Variants in MAGI2 observed in about 807,000 individuals in gnomAD.
MAGI2 encodes membrane associated guanylate kinase, WW and PDZ domain containing 2, also known as membrane-associated guanylate kinase, WW and PDZ domain-containing protein 2.
MAGI2 carries 35 observed loss-of-function variants against 133.3 expected under a neutral mutation model. That is an observed-to-expected ratio of 0.26 (90% CI 0.20 to 0.35). MAGI2 has a LOEUF of 0.35. Among genes scored for constraint, MAGI2 ranks in the 10% least tolerant of loss-of-function variants. MAGI2 has a pLI of 1.00. For synonymous variants in MAGI2, 729 were observed against 710.6 expected (o/e 1.03, Z -0.41); for missense variants, 1,636 against 1,863.4 (o/e 0.88, Z 2.25).
intron 6 of MAGI2, among the ~76,000 whole-genome samples, chr7:78,450,794 C>T (rs1269531477): frequency 6.6e-6 from 1 of 152,060 alleles, no homozygotes; most frequent in Admixed American, 6.6e-5. Flanking sequence ...CATCCCAACT[C>T]TTCATCTAGT....
chr7:79,083,098 C>T (rs1267225755), intron 1 of MAGI2, among the ~76,000 whole-genome samples: 1 of 151,278 alleles, frequency 6.6e-6, no homozygotes, highest in African/African-American at 2.4e-5. Flanking sequence ...TCAGGATTTT[C>T]AAGATAAAAG....
At chr7:79,168,314 C>T (rs1825147747) in intron 1 of MAGI2, among the ~76,000 whole-genome samples, 1 of 151,960 alleles carries the variant, frequency 6.6e-6, no homozygotes. Context: ...TGCGACCTTG[C>T]CATTTGCTGT....
intron 1 of MAGI2, among the ~76,000 whole-genome samples, chr7:79,233,269 T>C (rs199717577): frequency 0.21 from 13,495 of 64,898 alleles, no homozygotes; most frequent in East Asian, 0.32. Context: ...ATGTATATTC[T>C]GTTGATTTGG....
rs191113868 is a variant in MAGI2, at chr7:78,693,186, T to C, written c.419-65947A>G. ...AGGCAAAGTCTTTAATCTCCATCAA[T>C]CTCAGCTTCCTTGTCTGAAAAGGAT... On this transcript the variant is annotated intron_variant, in intron 2 of 21. Transcript: ENST00000354212. Among the ~76,000 whole-genome samples, 11 of 152,294 alleles carry C rather than the reference T, an allele frequency of 7.2e-5. No individual in the cohort carries two copies. The East Asian group carries it at 1.2e-3, about 16-fold the overall frequency.
rs1157395822 is a variant in MAGI2, at chr7:78,019,627, G to A, written c.4056C>T (p.Leu1352=). 4 of 1,004,224 alleles carry A rather than the reference G, an allele frequency of 4.0e-6. No homozygotes were observed. In the African/African-American group the frequency reaches 7.0e-5, roughly 18 times the overall value. The allele number at this position is 1,004,224 out of a possible 1,614,324, so 62.2% of individuals were successfully genotyped here. A position where few individuals can be genotyped will look rare whatever the true frequency, so the allele number is the denominator to read the frequency against. The part of the protein sequence containing the change: ...RPASEARAPG[L]AAADAADAAR... ...CCGCGTCCGCCGCGTCTGCCGCCGC[G>A]AGCCCGGGCGCCCTGGCCTCCGAGG... Residue 1352 remains leucine (L), a synonymous_variant, in exon 22 of 22, where the codon CTC becomes CTT. Transcript: ENST00000354212.
At chr7:79,366,261 A>AC (rs1842706030) in intron 1 of MAGI2, among the ~76,000 whole-genome samples, 1 of 151,914 alleles carries the variant, frequency 6.6e-6, no homozygotes, top group African/African-American at 2.4e-5. Flanking sequence ...AAACAAACAA[A>AC]GAAAAATATA....
chr7:79,105,745 C>T (rs1421726233), intron 1 of MAGI2, among the ~76,000 whole-genome samples: 2 of 152,028 alleles, frequency 1.3e-5, no homozygotes, highest in African/African-American at 4.8e-5. Context: ...CTATCTAGGA[C>T]TGGTTTTCTC....
intron 2 of MAGI2, chr7:78,771,428 C>T (rs1165755007): frequency 6.6e-6 from 1 of 152,322 alleles, no homozygotes; most frequent in South Asian, 2.1e-4. Flanking sequence ...AATATACACA[C>T]AGGCACATTT....
intron 9 of MAGI2, among the ~76,000 whole-genome samples, chr7:78,304,404 G>C (rs927707774): frequency 6.6e-6 from 1 of 152,104 alleles, no homozygotes; most frequent in Non-Finnish European, 1.5e-5. Flanking sequence ...TGTGTGGCTT[G>C]CTCTTTCCTT....
intron 2 of MAGI2, among the ~76,000 whole-genome samples, chr7:78,968,761 T>G (rs1248187797): frequency 6.6e-6 from 1 of 152,066 alleles, no homozygotes; most frequent in African/African-American, 2.4e-5. Flanking sequence ...TATTTCTTCT[T>G]TTAATTATTA....
chr7:78,263,941 T>C (rs1420457991), intron 9 of MAGI2, among the ~76,000 whole-genome samples: 2 of 152,078 alleles, frequency 1.3e-5, no homozygotes, highest in Non-Finnish European at 2.9e-5. Context: ...TGCTCTTGTT[T>C]CTCCTTCTCT....
At chr7:79,099,966 C>T (rs1342567662) in intron 1 of MAGI2, among the ~76,000 whole-genome samples, 2 of 152,210 alleles carry the variant, frequency 1.3e-5, no homozygotes, top group African/African-American at 4.8e-5. Flanking sequence ...ATATGTCCTT[C>T]TACACTTTTC....
intron 21 of MAGI2, among the ~76,000 whole-genome samples, chr7:78,044,704 T>TGC (rs1554419067): frequency 2.6e-4 from 32 of 121,166 alleles, no homozygotes; most frequent in Admixed American, 7.9e-5. Context: ...TGTGTGTGTG[T>TGC]GCACGTGTGC....
chr7:79,313,959 C>T (rs1351802041), intron 1 of MAGI2, among the ~76,000 whole-genome samples: 1 of 151,690 alleles, frequency 6.6e-6, no homozygotes, highest in Non-Finnish European at 1.5e-5. Flanking sequence ...CACACCACCA[C>T]ATCCTGCTAA....
intron 16 of MAGI2, among the ~76,000 whole-genome samples, chr7:78,151,267 G>A (rs1416179803): frequency 1.3e-5 from 2 of 152,168 alleles, no homozygotes; most frequent in East Asian, 3.9e-4. Context: ...TGATACAGAA[G>A]TTGTTTAGTT....
chr7:78,019,409 C>A lies in MAGI2; in HGVS notation c.4274G>T (p.Arg1425Leu), dbSNP rs1053239653. Residue 1425 changes from arginine (R) to leucine (L), a missense_variant, in exon 22 of 22, where the codon CGC (arginine) becomes CTC (leucine). This residue lies in a region of MAGI2 where 354 missense variants were observed against 298.7 expected (regional missense o/e 1.19). Coordinates refer to ENST00000354212, the MANE Select transcript of MAGI2 (RefSeq NM_012301.4). ...GPRPPGGAPA[R>L]KAAVAPGPWK... is the part of the protein sequence containing the mutation. ...GGGCCCCGGCGCGACGGCGGCCTTG[C>A]GCGCCGGGGCGCCCCCCGGGGGTCG... The A allele has an allele frequency of 3.5e-6, 4 of 1,141,106 alleles. No homozygotes were observed. Among genetic ancestry groups the A allele is most frequent in the South Asian group, 8.4e-5 (2 of 23,740 alleles). The allele number at this position is 1,141,106 out of a possible 1,614,324, so 70.7% of individuals were successfully genotyped here. A position where few individuals can be genotyped will look rare whatever the true frequency, so the allele number is the denominator to read the frequency against.
rs1005629453 is a variant in MAGI2, at chr7:79,298,326, A to G, written c.301+154694T>C. Among the ~76,000 whole-genome samples the G allele has an allele frequency of 7.2e-5, 11 of 152,282 alleles. No individual in the cohort carries two copies. In the South Asian group the frequency reaches 1.7e-3, roughly 23 times the overall value. ...TCAGCAAAAGCTTAGATTCTGCAGA[A>G]CAAGTGGAAACAGTTCCATCAAGTG... On this transcript the variant is annotated intron_variant, in intron 1 of 21. Coordinates refer to ENST00000354212, the MANE Select transcript of MAGI2 (RefSeq NM_012301.4).
intron 3 of MAGI2, among the ~76,000 whole-genome samples, chr7:78,525,133 C>G (rs1796841788): frequency 6.6e-6 from 1 of 152,040 alleles, no homozygotes; most frequent in South Asian, 2.1e-4. Flanking sequence ...CAACAATATT[C>G]TATTTCTATA....
intron 1 of MAGI2, among the ~76,000 whole-genome samples, chr7:79,009,513 G>A (rs947705857): frequency 6.6e-6 from 1 of 152,022 alleles, no homozygotes; most frequent in African/African-American, 2.4e-5. Context: ...CATCTTTCAA[G>A]TCAGGCAATT....
Sources: allele counts gnomAD v4.1 joint callset (sites outside exome capture counted in the v4.1 genomes callset), GRCh38; gene constraint gnomAD v4.1.1; regional missense constraint gnomAD v4.1.1; transcripts MANE v1.5; gene names NCBI Gene and HGNC (gene_info 2026-07-23, HGNC 2026-07-21).